LRP1B: variants seen among roughly 807,000 people sequenced by gnomAD.
LRP1B encodes the protein low-density lipoprotein receptor-related protein 1B.
Under a neutral mutation model 556.6 loss-of-function variants are expected in LRP1B, and 217 were observed. The ratio of observed to expected loss-of-function variants is 0.39; its 90% CI spans 0.35 to 0.44. The LOEUF (loss-of-function observed/expected upper bound fraction) is 0.44, where lower values mean the gene tolerates loss of function less well. LRP1B is among the 20% of genes least tolerant of loss of function. The pLI is 1.00. For synonymous variants in LRP1B, 2,047 were observed against 1,865.8 expected (o/e 1.10, Z -2.50); for missense variants, 5,053 against 5,620.8 (o/e 0.90, Z 3.23).
intron 86 of LRP1B, among the ~76,000 whole-genome samples, chr2:140,252,372 A>G (rs1304373665): frequency 1.3e-5 from 2 of 151,996 alleles, no homozygotes; most frequent in African/African-American, 4.8e-5. Context: ...ATCCTAGTAT[A>G]GGTACTTTCA....
At chr2:142,058,767 T>C (rs1704782352) in intron 1 of LRP1B, among the ~76,000 whole-genome samples, 1 of 152,040 alleles carries the variant, frequency 6.6e-6, no homozygotes, top group Admixed American at 6.6e-5. Flanking sequence ...AAACTGAAGA[T>C]AAATACCTCA....
At chr2:140,251,139 C>T (rs939690969) in intron 86 of LRP1B, among the ~76,000 whole-genome samples, 1 of 151,644 alleles carries the variant, frequency 6.6e-6, no homozygotes, top group Non-Finnish European at 1.5e-5. Flanking sequence ...GGAATAACTT[C>T]GTATAAAAGC....
At chr2:141,425,782 G>A (rs1388405373) in intron 3 of LRP1B, among the ~76,000 whole-genome samples, 1 of 151,026 alleles carries the variant, frequency 6.6e-6, no homozygotes, top group Non-Finnish European at 1.5e-5. Context: ...TTTTTTTCTT[G>A]TAAATTTGTT....
At chr2:140,920,940 G>A (rs1188897630) in intron 21 of LRP1B, among the ~76,000 whole-genome samples, 1 of 151,870 alleles carries the variant, frequency 6.6e-6, no homozygotes, top group African/African-American at 2.4e-5. Flanking sequence ...TCTAAAGATA[G>A]CCAGCTTTCC....
chr2:140,477,787 A>T (rs1298877962), intron 59 of LRP1B, among the ~76,000 whole-genome samples: 5 of 152,162 alleles, frequency 3.3e-5, no homozygotes, highest in Non-Finnish European at 7.4e-5. Context: ...CACACTCAGT[A>T]AGTTTGGTAA....
At chr2:140,718,404 A>T (rs13419407) in intron 35 of LRP1B, among the ~76,000 whole-genome samples, 1 of 151,536 alleles carries the variant, frequency 6.6e-6, no homozygotes, top group Non-Finnish European at 1.5e-5. Flanking sequence ...TTCTTTCAAT[A>T]CATATCTATT....
chr2:140,863,807 A>G (rs1259072197), intron 27 of LRP1B, among the ~76,000 whole-genome samples: 1 of 152,074 alleles, frequency 6.6e-6, no homozygotes, highest in Non-Finnish European at 1.5e-5. Context: ...TCCATCTATC[A>G]TAACAATGAT....
rs142333426 is a variant in LRP1B, at chr2:140,235,313, A to C, written c.13561-429T>G. Among the ~76,000 whole-genome samples, 766 of 151,380 alleles carry C rather than the reference A, an allele frequency of 5.1e-3. 5 individuals carry two copies. Among genetic ancestry groups the C allele is most frequent in the East Asian group, 0.023 (116 of 5,094 alleles). The stretch of plus-strand genomic sequence containing the variant: ...TGATTATAAGATACCATTGAACTAG[A>C]AATTTTACCCTCTTTGAGAATAACA... On this transcript the variant is annotated intron_variant, in intron 89 of 90. Coordinates refer to ENST00000389484, the MANE Select transcript of LRP1B (RefSeq NM_018557.3).
chr2:141,553,844 AT>A (rs1240315610), intron 2 of LRP1B, among the ~76,000 whole-genome samples: 30 of 138,152 alleles, frequency 2.2e-4, no homozygotes, highest in Non-Finnish European at 4.0e-4. Context: ...ATATATCTAT[AT>A]TAATATAGTT....
chr2:140,373,741 C>T (rs998877023), intron 68 of LRP1B, among the ~76,000 whole-genome samples: 3 of 152,092 alleles, frequency 2.0e-5, no homozygotes, highest in African/African-American at 7.2e-5. Flanking sequence ...CACATGAATA[C>T]CACTGCACTC....
intron 21 of LRP1B, among the ~76,000 whole-genome samples, chr2:140,913,659 TAGA>T (rs928889309): frequency 6.6e-5 from 10 of 152,014 alleles, no homozygotes; most frequent in Non-Finnish European, 1.5e-5. Flanking sequence ...GCATAGATAG[TAGA>T]AGAGAATCAG....
chr2:141,453,108 A>G (rs1309541068), intron 3 of LRP1B, among the ~76,000 whole-genome samples: 2 of 151,978 alleles, frequency 1.3e-5, no homozygotes, highest in East Asian at 3.9e-4. Flanking sequence ...GTGGTGGTAC[A>G]TGCCTGTAGT....
chr2:141,096,184 G>A (rs1700294604), intron 7 of LRP1B, among the ~76,000 whole-genome samples: 1 of 152,074 alleles, frequency 6.6e-6, no homozygotes, highest in African/African-American at 2.4e-5. Flanking sequence ...TTAGGATAAA[G>A]GTTATTAAAC....
At chr2:141,208,876 CAAAAAAAAAAAAAAAAAAAAAAAAAAAAA>C (rs57659094) in intron 6 of LRP1B, among the ~76,000 whole-genome samples, 1 of 65,486 alleles carries the variant, frequency 1.5e-5, no homozygotes, top group South Asian at 6.0e-4. Context: ...GATTCCGTCT[CAAAAAAAAAAAAAAAAAAAAAAAAAAAAA>C]AAAAAAAAAA....
At chr2:141,822,278 C>T (rs1437773480) in intron 1 of LRP1B, among the ~76,000 whole-genome samples, 1 of 152,102 alleles carries the variant, frequency 6.6e-6, no homozygotes, top group African/African-American at 2.4e-5. Context: ...TAATGCTTTG[C>T]AGTTGTGTGT....
rs770659306 is a variant in LRP1B, at chr2:141,536,606, A to G, written c.206-56073T>C. On this transcript the variant is annotated intron_variant, in intron 2 of 90. Coordinates refer to ENST00000389484, the MANE Select transcript of LRP1B (RefSeq NM_018557.3). ...ATGAGAGGGTCAAGTTTCACATTCA[A>G]TAATGCCCTAGCACAGCTTTTCTAA... Among the ~76,000 whole-genome samples, 54 of 152,136 alleles carry G rather than the reference A, an allele frequency of 3.5e-4. 1 individual carries two copies. Among genetic ancestry groups the G allele is most frequent in the Middle Eastern group, 3.4e-3 (1 of 294 alleles).
At chr2:141,463,522 T>C (rs1681998090) in intron 3 of LRP1B, among the ~76,000 whole-genome samples, 2 of 130,572 alleles carry the variant, frequency 1.5e-5, no homozygotes, top group African/African-American at 2.9e-5. Context: ...GAAACAAATA[T>C]TATATAAAAT....
chr2:140,755,152 A>G (rs1206918097), intron 35 of LRP1B, among the ~76,000 whole-genome samples: 1 of 152,138 alleles, frequency 6.6e-6, no homozygotes, highest in Non-Finnish European at 1.5e-5. Context: ...GATCTATAAC[A>G]ATTAAAGAAA....
At chr2:140,705,037 A>T (rs1411210556) in intron 37 of LRP1B, among the ~76,000 whole-genome samples, 1 of 152,154 alleles carries the variant, frequency 6.6e-6, no homozygotes, top group Non-Finnish European at 1.5e-5. Flanking sequence ...TAAATGATCC[A>T]CAGTCCACAT....
Sources: allele counts gnomAD v4.1 joint callset (sites outside exome capture counted in the v4.1 genomes callset), GRCh38; gene constraint gnomAD v4.1.1; transcripts MANE v1.5; gene names NCBI Gene and HGNC (gene_info 2026-07-23, HGNC 2026-07-21).